The following MYH16 variants were observed in gnomAD, a reference collection of about 807,000 sequenced individuals.
MYH16 encodes the protein myosin heavy chain 16, also known as putative uncharacterized protein MYH16.
intron 18 of MYH16, among the ~76,000 whole-genome samples, chr7:99,270,275 C>G (rs1275298022): frequency 6.6e-6 from 1 of 151,094 alleles, no homozygotes; most frequent in East Asian, 2.0e-4. Context: ...AGTTCAAGGC[C>G]AGCCTTGGTT....
rs763981361 is a variant in MYH16, at chr7:99,292,470, C to T, written n.4111C>T. ...CCACCTGGAGGACCAAGTACGAGAC[C>T]GATGCCATCCAGAGGACAGAGGAGC... On this transcript the variant is annotated non_coding_transcript_exon_variant, in exon 32 of 42. Coordinates refer to ENST00000439784, the Ensembl canonical transcript of MYH16. 31 of 469,546 alleles carry T rather than the reference C, an allele frequency of 6.6e-5. 2 individuals carry two copies. The highest frequency in any genetic ancestry group is 3.7e-4 in the South Asian group (24 of 65,558). 29.1% of individuals were successfully genotyped at this position (469,546 alleles called of 1,614,324 possible).
At chr7:99,283,362 A>G (rs140643302) in intron 23 of MYH16, among the ~76,000 whole-genome samples, 1 of 152,026 alleles carries the variant, frequency 6.6e-6, no homozygotes, top group Non-Finnish European at 1.5e-5. Context: ...CAAGCAATTG[A>G]CCTCCCTGAT....
exon 27 of MYH16, chr7:99,285,437 A>G: frequency 2.2e-6 from 1 of 456,772 alleles, no homozygotes; most frequent in Non-Finnish European, 4.4e-6. Context: ...ATGAGAGCCA[A>G]GGTAAATGAA....
chr7:99,289,340 C>T lies in MYH16; in HGVS notation n.3760C>T, dbSNP rs748673669. On this transcript the variant is annotated non_coding_transcript_exon_variant, in exon 30 of 42. Transcript: ENST00000439784. ...TGGAAGACAGCTTATCAGAAGCCAA[C>T]GCCAAGGTGGCAGAGCTAGAGCGAA... 6.1e-5 allele frequency: 27 copies of T among 444,322 alleles called. No individual in the cohort carries two copies. In the Middle Eastern group the frequency reaches 3.3e-3, roughly 54 times the overall value. The allele number at this position is 444,322 out of a possible 1,614,324, so 27.5% of individuals were successfully genotyped here.
intron 36 of MYH16, among the ~76,000 whole-genome samples, chr7:99,298,925 C>T (rs1305791355): frequency 1.3e-5 from 2 of 151,976 alleles, no homozygotes; most frequent in African/African-American, 2.4e-5. Context: ...TCCGTTGAAG[C>T]ATAAAGGTTA....
At chr7:99,277,126 CAG>C in intron 20 of MYH16, among the ~76,000 whole-genome samples, 2 of 152,018 alleles carry the variant, frequency 1.3e-5, no homozygotes, top group Middle Eastern at 6.8e-3. Context: ...GAGACAGAAA[CAG>C]AGAGCCAGAG....
chr7:99,254,471 T>G (rs1344436297), intron 8 of MYH16, among the ~76,000 whole-genome samples: 1 of 152,196 alleles, frequency 6.6e-6, no homozygotes, highest in East Asian at 1.9e-4. Flanking sequence ...AGTCTGATAC[T>G]CGGGCACCAG....
downstream of MYH16, among the ~76,000 whole-genome samples, chr7:99,307,566 A>C (rs1792699714): frequency 6.6e-6 from 1 of 151,544 alleles, no homozygotes; most frequent in African/African-American, 2.4e-5. Context: ...CTACAAAAAT[A>C]AAAAAAAATT....
At chr7:99,300,107 C>T (rs1792569694) in intron 37 of MYH16, among the ~76,000 whole-genome samples, 1 of 151,560 alleles carries the variant, frequency 6.6e-6, no homozygotes, top group African/African-American at 2.4e-5. Flanking sequence ...TTACAGGCAC[C>T]CACCACCACG....
chr7:99,300,187 T>A (rs536804427), intron 37 of MYH16, among the ~76,000 whole-genome samples: 20 of 152,016 alleles, frequency 1.3e-4, no homozygotes, highest in Admixed American at 1.2e-3. Context: ...CTCCAATGCC[T>A]GACCTCAGGT....
downstream of MYH16, among the ~76,000 whole-genome samples, chr7:99,308,308 A>C (rs1471381189): frequency 6.6e-6 from 1 of 150,702 alleles, no homozygotes; most frequent in Non-Finnish European, 1.5e-5. Flanking sequence ...AAAAAAAAAA[A>C]AAAAAAAAAA....
intron 28 of MYH16, among the ~76,000 whole-genome samples, chr7:99,287,285 C>T (rs886713568): frequency 1.3e-5 from 2 of 152,228 alleles, no homozygotes; most frequent in Non-Finnish European, 2.9e-5. Context: ...GTACTCCCAG[C>T]ACTTTGGGAG....
intron 13 of MYH16, among the ~76,000 whole-genome samples, chr7:99,262,828 C>T (rs1375158866): frequency 6.6e-6 from 1 of 152,192 alleles, no homozygotes; most frequent in Non-Finnish European, 1.5e-5. Context: ...AGACAGTGTG[C>T]ATGCTCCCCT....
rs565583732 is a variant in MYH16, at chr7:99,297,887, G to C, written n.4637-5G>C. On this transcript the variant is annotated splice_region_variant and splice_polypyrimidine_tract_variant and intron_variant and non_coding_transcript_variant, in intron 35 of 41. Coordinates refer to ENST00000439784, the Ensembl canonical transcript of MYH16. ...CAGAAAGACTCATGGTTATATTTCT[G>C]GTAGGTTGAAGAGAGCAAGGTGATT... The C allele has an allele frequency of 4.4e-6, 2 of 456,712 alleles. No individual in the cohort carries two copies. The highest frequency in any genetic ancestry group is 4.0e-5 in the African/African-American group (2 of 50,204). 28.3% of individuals were successfully genotyped at this position (456,712 alleles called of 1,614,324 possible). A position where few individuals can be genotyped will look rare whatever the true frequency, so the allele number is the denominator to read the frequency against.
chr7:99,299,927 T>TTTTATTTTATTTTATTTA (rs1405217065), intron 37 of MYH16, among the ~76,000 whole-genome samples: 14 of 138,232 alleles, frequency 1.0e-4, no homozygotes, highest in African/African-American at 3.3e-4. Flanking sequence ...TTTTATTTTA[T>TTTTATTTTATTTTATTTA]TTTATTTATT....
At chr7:99,303,882 G>A (rs946902519) in intron 39 of MYH16, among the ~76,000 whole-genome samples, 6 of 152,174 alleles carry the variant, frequency 3.9e-5, no homozygotes, top group Non-Finnish European at 8.8e-5. Context: ...GATGAGCCCA[G>A]GGACGCAGAG....
chr7:99,306,760 T>C (rs1186926291), exon 42 of MYH16: 2 of 152,656 alleles, frequency 1.3e-5, no homozygotes, highest in Non-Finnish European at 2.9e-5. Flanking sequence ...TCTGTGGAGA[T>C]CATCCAGGTG....
chr7:99,262,733 T>G (rs1791949617), intron 13 of MYH16, among the ~76,000 whole-genome samples: 2 of 152,198 alleles, frequency 1.3e-5, no homozygotes, highest in African/African-American at 4.8e-5. Flanking sequence ...AATTAGTGGA[T>G]GTCCAAATAC....
chr7:99,294,070 C>T, exon 33 of MYH16: 1 of 456,030 alleles, frequency 2.2e-6, no homozygotes. Flanking sequence ...TGAAACTGCC[C>T]AGGCCCGGGC....
Sources: allele counts gnomAD v4.1 joint callset (sites outside exome capture counted in the v4.1 genomes callset), GRCh38; gene constraint gnomAD v4.1.1; transcripts MANE v1.5; gene names NCBI Gene and HGNC (gene_info 2026-07-23, HGNC 2026-07-21).